Variants in SORCS3 observed in about 807,000 individuals in gnomAD.
The protein encoded by SORCS3 is VPS10 domain-containing receptor SorCS3.
A neutral mutation model predicts 146.3 loss-of-function variants in SORCS3; 57 were observed. The ratio of observed to expected loss-of-function variants is 0.39; its 90% CI spans 0.31 to 0.49. The LOEUF (loss-of-function observed/expected upper bound fraction) is 0.49, where lower values mean the gene tolerates loss of function less well. SORCS3 is among the 20% of genes least tolerant of loss of function. SORCS3 has a pLI of 0.92. For synonymous variants in SORCS3, 653 were observed against 618.5 expected (o/e 1.06, Z -0.83); for missense variants, 1,341 against 1,575.5 (o/e 0.85, Z 2.52).
chr10:104,650,447 A>G (rs915211461), intron 1 of SORCS3, among the ~76,000 whole-genome samples: 9 of 152,176 alleles, frequency 5.9e-5, no homozygotes, highest in African/African-American at 1.7e-4. Flanking sequence ...ACAGTTTTCA[A>G]TCCTGGGGGG....
intron 2 of SORCS3, among the ~76,000 whole-genome samples, chr10:104,869,694 T>G (rs182211661): frequency 6.6e-6 from 1 of 152,326 alleles, no homozygotes; most frequent in Admixed American, 6.5e-5. Context: ...AGGTTGAATG[T>G]TTGAAGTCAG....
At chr10:105,242,502 TTA>T (rs1217518789) in intron 20 of SORCS3, among the ~76,000 whole-genome samples, 8 of 65,490 alleles carry the variant, frequency 1.2e-4, no homozygotes, top group Admixed American at 2.2e-4. Context: ...TTATATATAT[TTA>T]TATATATTTA....
intron 1 of SORCS3, among the ~76,000 whole-genome samples, chr10:104,734,628 T>C (rs377162198): frequency 2.0e-5 from 3 of 152,226 alleles, no homozygotes; most frequent in African/African-American, 7.2e-5. Flanking sequence ...TTATCAATCA[T>C]CATAGTGAGA....
intron 8 of SORCS3, among the ~76,000 whole-genome samples, chr10:105,143,707 TAA>T (rs2056110753): frequency 6.6e-6 from 1 of 152,166 alleles, no homozygotes; most frequent in African/African-American, 2.4e-5. Flanking sequence ...AATAATTACA[TAA>T]GAGACTATTT....
intron 3 of SORCS3, among the ~76,000 whole-genome samples, chr10:104,921,152 C>A (rs1160572214): frequency 1.3e-5 from 2 of 152,224 alleles, no homozygotes; most frequent in Non-Finnish European, 2.9e-5. Flanking sequence ...AGATAAACAT[C>A]CCTGGGTTCC....
In SORCS3 at chr10:104,721,296, G is replaced by A. The variant is rs556666440; in HGVS notation, c.627+79342G>A. 5.7e-3 allele frequency among the ~76,000 whole-genome samples: 869 copies of A among 152,250 alleles called. 7 individuals carry two copies. Among genetic ancestry groups the A allele is most frequent in the African/African-American group, 0.02 (817 of 41,538 alleles). ...AAGATCAGATAGTTGTAGATATGCA[G>A]CATTATTTCTGAGGGCTCTGTTCTG... is the stretch of plus-strand genomic sequence containing the variant. On this transcript the variant is annotated intron_variant, in intron 1 of 26. Coordinates refer to ENST00000369701, the MANE Select transcript of SORCS3 (RefSeq NM_014978.3).
intron 1 of SORCS3, among the ~76,000 whole-genome samples, chr10:104,711,257 A>T (rs2133438738): frequency 6.6e-6 from 1 of 152,344 alleles, no homozygotes; most frequent in Admixed American, 6.5e-5. Flanking sequence ...AGAGAGGTTG[A>T]TAATTGCCCA....
chr10:105,067,063 C>G (rs2055527568), intron 5 of SORCS3, among the ~76,000 whole-genome samples: 1 of 152,154 alleles, frequency 6.6e-6, no homozygotes. Flanking sequence ...CATCCGTTAA[C>G]TCTCTCTTGG....
chr10:105,243,563 T>C (rs1450977995), intron 20 of SORCS3, among the ~76,000 whole-genome samples: 2 of 152,166 alleles, frequency 1.3e-5, no homozygotes, highest in African/African-American at 4.8e-5. Flanking sequence ...CATTTATCGA[T>C]TAATTCAGAA....
intron 7 of SORCS3, among the ~76,000 whole-genome samples, chr10:105,124,330 G>A (rs575354399): frequency 6.8e-4 from 104 of 152,268 alleles, no homozygotes; most frequent in East Asian, 7.7e-4. Flanking sequence ...TCCTGGGGTG[G>A]AATGCTTACA....
At chr10:104,778,231 A>G (rs933971262) in intron 1 of SORCS3, among the ~76,000 whole-genome samples, 1 of 152,190 alleles carries the variant, frequency 6.6e-6, no homozygotes, top group African/African-American at 2.4e-5. Flanking sequence ...CAAAGTTTGT[A>G]CAACCATTCT....
At chr10:105,215,069 G>A (rs185613750) in intron 18 of SORCS3, among the ~76,000 whole-genome samples, 10 of 152,220 alleles carry the variant, frequency 6.6e-5, no homozygotes, top group African/African-American at 2.2e-4. Flanking sequence ...AAGAGCATGA[G>A]GATGGGGAAG....
At chr10:105,056,916 G>A (rs1406723886) in intron 5 of SORCS3, among the ~76,000 whole-genome samples, 3 of 152,074 alleles carry the variant, frequency 2.0e-5, no homozygotes, top group Non-Finnish European at 1.5e-5. Flanking sequence ...CAGTTAGATT[G>A]TATGACTATT....
chr10:105,048,107 AT>A (rs1222344023), intron 5 of SORCS3, among the ~76,000 whole-genome samples: 2 of 151,872 alleles, frequency 1.3e-5, no homozygotes, highest in African/African-American at 4.8e-5. Flanking sequence ...TAGTTCAACC[AT>A]TGTGGAAGTC....
At chr10:104,858,951 A>C (rs1355372809) in intron 2 of SORCS3, among the ~76,000 whole-genome samples, 6 of 151,068 alleles carry the variant, frequency 4.0e-5, no homozygotes, top group Non-Finnish European at 7.4e-5. Flanking sequence ...AAAAAAAAAA[A>C]AACAACAAAA....
chr10:105,140,700 G>T (rs373231191), intron 8 of SORCS3, among the ~76,000 whole-genome samples: 29 of 152,166 alleles, frequency 1.9e-4, no homozygotes, highest in Admixed American at 5.2e-4. Flanking sequence ...AGACAGCACC[G>T]TTCATTCAAC....
Position 105,214,592 on chromosome 10 carries a change from T to G in SORCS3, c.2526T>G (p.Thr842=), listed in dbSNP as rs2119649549. Reference sequence around the variant, plus strand: ...TGGCAGAGCAGGGGCACAATGCAACTTTCATCATCCTCATGGAGGAGGTAG... The same window carrying G: ...TGGCAGAGCAGGGGCACAATGCAACGTTCATCATCCTCATGGAGGAGGTAG... ...RLVAEQGHNA[T]FIILMEEGDL... is the part of the protein sequence containing the mutation. Residue 842 remains threonine (T), a synonymous_variant, in exon 18 of 27, where the codon ACT becomes ACG. Transcript: ENST00000369701. The G allele has an allele frequency of 6.3e-7, 1 of 1,595,448 alleles. No homozygotes were observed. Among genetic ancestry groups the G allele is most frequent in the Non-Finnish European group, 8.5e-7 (1 of 1,170,536 alleles).
intron 23 of SORCS3, among the ~76,000 whole-genome samples, chr10:105,253,858 T>A (rs1564796625): frequency 6.6e-6 from 1 of 152,234 alleles, no homozygotes; most frequent in Non-Finnish European, 1.5e-5. Context: ...AGAAATAAAT[T>A]TAGCTTCTTA....
intron 1 of SORCS3, among the ~76,000 whole-genome samples, chr10:104,724,458 A>C (rs1373901264): frequency 1.3e-5 from 2 of 151,824 alleles, no homozygotes; most frequent in Non-Finnish European, 2.9e-5. Flanking sequence ...TGTGTCTTGG[A>C]GTTGCTCTTC....
Sources: allele counts gnomAD v4.1 joint callset (sites outside exome capture counted in the v4.1 genomes callset), GRCh38; gene constraint gnomAD v4.1.1; transcripts MANE v1.5; gene names NCBI Gene and HGNC (gene_info 2026-07-23, HGNC 2026-07-21).